Variants in TRPM3 observed in about 807,000 individuals in gnomAD.
TRPM3 encodes long transient receptor potential channel 3.
TRPM3 carries 77 observed loss-of-function variants against 181.2 expected under a neutral mutation model. The ratio of observed to expected loss-of-function variants is 0.42; its 90% CI spans 0.35 to 0.51. The LOEUF is 0.51. TRPM3 is among the 20% of genes least tolerant of loss of function. TRPM3 has a pLI of 0.01. For missense variants in TRPM3, 1,759 were observed against 2,196.7 expected (o/e 0.80, Z 3.98); for synonymous variants, 745 against 796.4 (o/e 0.94, Z 1.09).
At chr9:71,211,998 A>T (rs2079534572) in intron 1 of TRPM3, among the ~76,000 whole-genome samples, 1 of 152,206 alleles carries the variant, frequency 6.6e-6, no homozygotes, top group Admixed American at 6.5e-5. Flanking sequence ...GGATTCCACC[A>T]GGCCCCAAGA....
chr9:71,225,323 G>T (rs539541607), intron 1 of TRPM3, among the ~76,000 whole-genome samples: 209 of 151,932 alleles, frequency 1.4e-3, no homozygotes, highest in African/African-American at 4.7e-3. Flanking sequence ...AGAGTGGCAT[G>T]ACGTAAAGTG....
chr9:71,344,448 C>T (rs1200926044), intron 1 of TRPM3, among the ~76,000 whole-genome samples: 2 of 149,906 alleles, frequency 1.3e-5, no homozygotes, highest in African/African-American at 4.9e-5. Context: ...GAGACTCCAT[C>T]TCAAAAAAAA....
At chr9:71,215,894 A>G (rs925018504) in intron 1 of TRPM3, among the ~76,000 whole-genome samples, 1 of 152,190 alleles carries the variant, frequency 6.6e-6, no homozygotes, top group African/African-American at 2.4e-5. Flanking sequence ...AGAGACCCTC[A>G]AAGTTACTTA....
intron 1 of TRPM3, among the ~76,000 whole-genome samples, chr9:70,983,077 T>A (rs935054022): frequency 3.3e-5 from 5 of 152,150 alleles, no homozygotes; most frequent in African/African-American, 1.2e-4. Flanking sequence ...TGTGCCATCA[T>A]GGTAGCATTT....
At chr9:70,795,744 T>G (rs1184700974) in intron 6 of TRPM3, among the ~76,000 whole-genome samples, 2 of 152,224 alleles carry the variant, frequency 1.3e-5, no homozygotes, top group African/African-American at 4.8e-5. Flanking sequence ...CCAAGTGTAT[T>G]ATATACCCAG....
intron 1 of TRPM3, among the ~76,000 whole-genome samples, chr9:71,391,033 G>A (rs2093049691): frequency 6.6e-6 from 1 of 151,926 alleles, no homozygotes; most frequent in Non-Finnish European, 1.5e-5. Context: ...AGATCCAAAT[G>A]AATAAAACGT....
chr9:71,261,764 T>C (rs1349069271), intron 1 of TRPM3, among the ~76,000 whole-genome samples: 1 of 152,224 alleles, frequency 6.6e-6, no homozygotes, highest in African/African-American at 2.4e-5. Context: ...AGGCCCCTTT[T>C]CTGCAGGTCT....
intron 1 of TRPM3, among the ~76,000 whole-genome samples, chr9:70,875,414 G>GA (rs1466741893): frequency 6.6e-6 from 1 of 151,894 alleles, no homozygotes; most frequent in East Asian, 1.9e-4. Context: ...AAATGTAGCA[G>GA]AGCACACAGT....
At chr9:71,023,600 G>A (rs2097863679) in intron 1 of TRPM3, among the ~76,000 whole-genome samples, 1 of 151,914 alleles carries the variant, frequency 6.6e-6, no homozygotes, top group African/African-American at 2.4e-5. Context: ...TTCAACAGGT[G>A]GCATGTTAAG....
intron 1 of TRPM3, among the ~76,000 whole-genome samples, chr9:70,976,160 A>G (rs1590221735): frequency 6.6e-6 from 1 of 152,182 alleles, no homozygotes; most frequent in African/African-American, 2.4e-5. Context: ...GGGGAAGGAG[A>G]ACACAGATAT....
At chr9:71,351,239 T>C (rs1474779412) in intron 1 of TRPM3, among the ~76,000 whole-genome samples, 1 of 152,230 alleles carries the variant, frequency 6.6e-6, no homozygotes, top group Non-Finnish European at 1.5e-5. Flanking sequence ...GTGTTGGCTT[T>C]ATTATGGCTA....
rs1564632138 is a variant in TRPM3, at chr9:70,864,519, A to AC, written c.178-9_178-8insG. The AC allele has an allele frequency of 1.0e-5, 15 of 1,450,048 alleles. No individual in the cohort carries two copies. Among genetic ancestry groups the AC allele is most frequent in the South Asian group, 1.5e-5 (1 of 65,892 alleles). 89.8% of individuals were successfully genotyped at this position (1,450,048 alleles called of 1,614,324 possible). A position where few individuals can be genotyped will look rare whatever the true frequency, so the allele number is the denominator to read the frequency against. On this transcript the variant is annotated splice_polypyrimidine_tract_variant and intron_variant, in intron 1 of 25. Transcript: ENST00000677713. ...TATCCAGGATTTCTGAGCCTGAAAA[A>AC]GAAAACAAAAAAAAAAAAAAAAGAA...
chr9:71,265,977 CAACT>C (rs2083368510), intron 1 of TRPM3, among the ~76,000 whole-genome samples: 1 of 152,180 alleles, frequency 6.6e-6, no homozygotes, highest in Non-Finnish European at 1.5e-5. Context: ...CACTGAGTGT[CAACT>C]AGTTTGTTGG....
At chr9:71,357,371 CCAGA>C (rs753389775) in intron 1 of TRPM3, among the ~76,000 whole-genome samples, 1 of 152,038 alleles carries the variant, frequency 6.6e-6, no homozygotes, top group Admixed American at 6.6e-5. Context: ...CGCCATTATC[CCAGA>C]CAGTGAGGGA....
chr9:71,350,610 T>G (rs1444594871), intron 1 of TRPM3, among the ~76,000 whole-genome samples: 1 of 152,242 alleles, frequency 6.6e-6, no homozygotes, highest in Non-Finnish European at 1.5e-5. Flanking sequence ...CCTCAGATAT[T>G]TCACATGAAG....
intron 1 of TRPM3, among the ~76,000 whole-genome samples, chr9:71,418,014 A>T (rs1322828536): frequency 6.6e-6 from 1 of 150,778 alleles, no homozygotes; most frequent in African/African-American, 2.4e-5. Context: ...ATAAAAAGGG[A>T]CAGGAATAAA....
intron 1 of TRPM3, among the ~76,000 whole-genome samples, chr9:70,957,110 G>A (rs1027248657): frequency 1.2e-4 from 18 of 151,734 alleles, no homozygotes; most frequent in African/African-American, 2.7e-4. Context: ...ACAGGCACGC[G>A]CCACCGCACC....
At chr9:71,109,392 G>A (rs1218982667) in intron 1 of TRPM3, among the ~76,000 whole-genome samples, 1 of 151,610 alleles carries the variant, frequency 6.6e-6, no homozygotes, top group Non-Finnish European at 1.5e-5. Context: ...CCTGAGTCTA[G>A]TTTATTACAA....
chr9:70,932,337 T>C (rs982275640), intron 1 of TRPM3, among the ~76,000 whole-genome samples: 2 of 152,124 alleles, frequency 1.3e-5, no homozygotes, highest in African/African-American at 2.4e-5. Context: ...CCTGTCCACC[T>C]GCCTGTCTGC....
Sources: gnomAD v4.1 joint callset for allele counts (sites outside exome capture counted in the v4.1 genomes callset) on GRCh38, gnomAD v4.1.1 for gene constraint, MANE v1.5 for transcripts, NCBI Gene and HGNC (gene_info 2026-07-23, HGNC 2026-07-21) for gene names.